The following RPGRIP1 variants were observed in gnomAD, a reference collection of about 807,000 sequenced individuals.
The protein encoded by RPGRIP1 is X-linked retinitis pigmentosa GTPase regulator-interacting protein 1.
Under a neutral mutation model 157.9 loss-of-function variants are expected in RPGRIP1, and 128 were observed. The observed-to-expected ratio is 0.81, with a 90% confidence interval of 0.70 to 0.94. The LOEUF (loss-of-function observed/expected upper bound fraction) is 0.94. Among genes scored for constraint, RPGRIP1 ranks in the 40% least tolerant of loss-of-function variants. The pLI is 0.00. For synonymous variants in RPGRIP1, 554 were observed against 571.6 expected (o/e 0.97, Z 0.44); for missense variants, 1,486 against 1,545.8 (o/e 0.96, Z 0.65).
chr14:21,294,616 C>T (rs1880683451), intron 2 of RPGRIP1, 61 bp from the exon 3 acceptor site: 6 of 1,543,498 alleles, frequency 3.9e-6, no homozygotes, highest in Admixed American at 1.7e-5. Flanking sequence ...GATGAGACAT[C>T]TAAAGGGTTC....
In RPGRIP1 at chr14:21,324,351, C is replaced by A. The variant is rs547747238; in HGVS notation, c.1763-267C>A. The A allele has an allele frequency of 2.7e-5, 14 of 524,696 alleles. No homozygotes were observed. In the Admixed American group the frequency reaches 4.5e-4, roughly 17 times the overall value. 32.5% of individuals were successfully genotyped at this position (524,696 alleles called of 1,614,324 possible). On this transcript the variant is annotated intron_variant, in intron 14 of 24. Transcript: ENST00000400017. The stretch of plus-strand genomic sequence containing the variant: ...ATGTCATATATAAGATAAAATGTGC[C>A]CCCAGTGTTTTCCTAAGTTTAGCAT...
chr14:21,294,309 C>A (rs1249602995), intron 2 of RPGRIP1, among the ~76,000 whole-genome samples: 2 of 150,982 alleles, frequency 1.3e-5, no homozygotes, highest in African/African-American at 2.4e-5. Flanking sequence ...CGGCTCATGG[C>A]AACCTCTGCC....
intron 18 of RPGRIP1, 96 bp from the exon 19 acceptor site, chr14:21,328,328 G>GA: frequency 3.5e-6 from 3 of 866,770 alleles, no homozygotes; most frequent in Non-Finnish European, 5.4e-6. Flanking sequence ...CATGAGGAGA[G>GA]AAATGAAGTC....
chr14:21,348,108 C>T (rs1885746637), intron 23 of RPGRIP1, 64 bp from the exon 24 acceptor site: 5 of 1,287,824 alleles, frequency 3.9e-6, no homozygotes, highest in South Asian at 3.2e-5. Context: ...TACTTTTATC[C>T]TTATTTTATT....
intron 6 of RPGRIP1, among the ~76,000 whole-genome samples, chr14:21,304,595 T>C (rs1881216822): frequency 6.6e-6 from 1 of 152,126 alleles, no homozygotes; most frequent in Admixed American, 6.6e-5. Context: ...AATGTATTTT[T>C]CAGACAAGTT....
rs376706947 is a variant in RPGRIP1, at chr14:21,321,445, C to T, written c.1611+43C>T. 1,385 of 1,584,400 alleles carry T rather than the reference C, an allele frequency of 8.7e-4. 1 individual carries two copies. Among genetic ancestry groups the T allele is most frequent in the Non-Finnish European group, 1.1e-3 (1,257 of 1,165,980 alleles). On this transcript the variant is annotated intron_variant, in intron 13 of 24. Coordinates refer to ENST00000400017, the MANE Select transcript of RPGRIP1 (RefSeq NM_020366.4). The stretch of plus-strand genomic sequence containing the variant: ...ACAGGAAGGGGATGGATAACAGGAA[C>T]GTGGGAACCACTCACAGGACTGGGA...
rs1397847290 is a variant in RPGRIP1 at position 21,351,219 on chromosome 14, G to C, written c.*3G>C. The C allele has an allele frequency of 1.3e-6, 2 of 1,544,396 alleles. No individual in the cohort carries two copies. The highest frequency in any genetic ancestry group is 1.1e-5 in the South Asian group (1 of 88,014). On this transcript the variant is annotated 3_prime_UTR_variant, in exon 25 of 25. Coordinates refer to ENST00000400017, the MANE Select transcript of RPGRIP1 (RefSeq NM_020366.4). ...TGACTGAAGATTTGTTTTCATGAAG[G>C]AACAAGTGCTATTCCAATCTAAAAG...
chr14:21,288,054 C>T lies in RPGRIP1; in HGVS notation c.78C>T (p.Ala26=). Residue 26 remains alanine, a synonymous_variant, in exon 2 of 25, where the codon GCC becomes GCT. Transcript: ENST00000400017. ...ATGCTATACCTCTGGTGCTACCAGC[C>T]TCAAAAGGTAACTTCTACGCCTGAG... ...DIDAIPLVLP[A]SKGKNMKTQP... 1 of 1,609,696 alleles carries T rather than the reference C, an allele frequency of 6.2e-7. No individual in the cohort carries two copies. The highest frequency in any genetic ancestry group is 8.5e-7 in the Non-Finnish European group (1 of 1,176,046).
At position 21,324,846 on chromosome 14, in the gene RPGRIP1, A is replaced by T; in HGVS notation, c.1991A>T (p.His664Leu). 1 of 1,613,898 alleles carries T rather than the reference A, an allele frequency of 6.2e-7. No individual in the cohort carries two copies. The highest frequency in any genetic ancestry group is 1.1e-5 in the South Asian group (1 of 91,076). The change falls in exon 15 of 25, where the codon CAC becomes CTC. Residue 664 changes from histidine to leucine, a missense_variant. Physicochemically the swap from His to Leu is moderately conservative, Grantham distance 99 (BLOSUM62 -3). Coordinates refer to ENST00000400017, the MANE Select transcript of RPGRIP1 (RefSeq NM_020366.4). ...TATTCCTTCTATGACTTTGAAACCCACTGTACCCCATTATCTGTGGGGCCA... is the reference window on the plus strand; with the variant it reads ...TATTCCTTCTATGACTTTGAAACCCTCTGTACCCCATTATCTGTGGGGCCA... ...CTYSFYDFETHCTPLSVGPQP... is the reference protein window; with the variant it reads ...CTYSFYDFETLCTPLSVGPQP...
Position 21,345,214 on chromosome 14 carries a change from C to T in RPGRIP1, c.3617+17C>T, listed in dbSNP as rs768165821. ...TCAAGGACAGTAAGCATCTGCTTTC[C>T]ACTTTGAAACAAAGGAGATATTGAG... is the stretch of plus-strand genomic sequence containing the variant. On this transcript the variant is annotated intron_variant, in intron 23 of 24. Transcript: ENST00000400017. The T allele has an allele frequency of 5.7e-6, 9 of 1,577,394 alleles. No individual in the cohort carries two copies. In the South Asian group the frequency reaches 9.1e-5, roughly 16 times the overall value.
intron 11 of RPGRIP1, 22 bp downstream of exon 11, chr14:21,317,872 T>G (rs377552068): frequency 8.2e-6 from 13 of 1,583,096 alleles, no homozygotes; most frequent in African/African-American, 1.3e-5. Flanking sequence ...CTTGAAGAGC[T>G]CTCTCAAATG....
chr14:21,285,943 C>T lies in RPGRIP1; in HGVS notation c.-38-1996C>T, dbSNP rs190564933. 6.8e-4 allele frequency among the ~76,000 whole-genome samples: 103 copies of T among 151,968 alleles called. 1 individual carries two copies. Among genetic ancestry groups the T allele is most frequent in the Non-Finnish European group, 1.1e-3 (75 of 68,008 alleles). On this transcript the variant is annotated intron_variant, in intron 1 of 24. Coordinates refer to ENST00000400017, the MANE Select transcript of RPGRIP1 (RefSeq NM_020366.4). ...AATGTGGTAGTTGAGGAAAGAGACA[C>T]AGATCACTTGAATTTTAGTGGCGGA...
chr14:21,281,588 C>G (rs1880125557), intron 1 of RPGRIP1, among the ~76,000 whole-genome samples: 1 of 151,202 alleles, frequency 6.6e-6, no homozygotes, highest in African/African-American at 2.4e-5. Flanking sequence ...GCCTGGGGGG[C>G]TGAGACATGA....
At chr14:21,319,927 A>T in intron 11 of RPGRIP1, 90 bp from the exon 12 acceptor site, 1 of 1,177,900 alleles carries the variant, frequency 8.5e-7, no homozygotes, top group Non-Finnish European at 1.2e-6. Flanking sequence ...ATTAAACCTT[A>T]GTGGGAAGAT....
At chr14:21,304,334 AGAAGGAAGGAGGGAGGGAGGGAAG>A (rs1212308165) in intron 6 of RPGRIP1, among the ~76,000 whole-genome samples, 4 of 145,618 alleles carry the variant, frequency 2.7e-5, no homozygotes, top group African/African-American at 1.0e-4. Flanking sequence ...AAAAGAGGAA[AGAAGGAAGGAGGGAGGGAGGGAAG>A]GAAGGAAGGA....
Position 21,296,446 on chromosome 14 carries a change from T to C in RPGRIP1, c.218+1637T>C, listed in dbSNP as rs1034845660. Among the ~76,000 whole-genome samples the C allele has an allele frequency of 4.6e-5, 7 of 151,628 alleles. 1 individual carries two copies. The highest frequency in any genetic ancestry group is 1.0e-4 in the Non-Finnish European group (7 of 67,908). On this transcript the variant is annotated intron_variant, in intron 3 of 24. Coordinates refer to ENST00000400017, the MANE Select transcript of RPGRIP1 (RefSeq NM_020366.4). The stretch of plus-strand genomic sequence containing the variant: ...CCACGGTAGTCTCAAACTCCTGACC[T>C]CAGGTGATCCACCCACCTTGGCCTC...
intron 4 of RPGRIP1, 38 bp downstream of exon 4, chr14:21,301,275 A>G (rs761758059): frequency 6.5e-7 from 1 of 1,546,502 alleles, no homozygotes; most frequent in Non-Finnish European, 8.7e-7. Flanking sequence ...GGGCTAAGAC[A>G]CTGGGAAGGA....
intron 23 of RPGRIP1, among the ~76,000 whole-genome samples, chr14:21,347,796 A>G (rs1031484529): frequency 2.6e-5 from 4 of 152,142 alleles, no homozygotes; most frequent in African/African-American, 9.7e-5. Context: ...TGGCATGAAC[A>G]CAGCCCACTG....
chr14:21,324,707 A>C lies in RPGRIP1; in HGVS notation c.1852A>C (p.Ile618Leu). The C allele has an allele frequency of 1.9e-6, 3 of 1,614,036 alleles. No individual in the cohort carries two copies. The highest frequency in any genetic ancestry group is 2.5e-6 in the Non-Finnish European group (3 of 1,179,892). Residue 618 changes from isoleucine (I) to leucine (L), a missense_variant, in exon 15 of 25, where the codon ATT becomes CTT. Transcript: ENST00000400017. Reference sequence around the variant, plus strand: ...CCATGGAGATGAGGATAAAGTGGATATTTCTCTGCTGCATCAGGGTGAGAA... The same window carrying C: ...CCATGGAGATGAGGATAAAGTGGATCTTTCTCTGCTGCATCAGGGTGAGAA... The part of the protein sequence containing the change: ...PAHGDEDKVD[I>L]SLLHQGENLF...
Sources: allele counts gnomAD v4.1 joint callset (sites outside exome capture counted in the v4.1 genomes callset), GRCh38; gene constraint gnomAD v4.1.1; transcripts MANE v1.5; gene names NCBI Gene and HGNC (gene_info 2026-07-23, HGNC 2026-07-21).